The following TNIP3 variants were observed in gnomAD, a reference collection of about 807,000 sequenced individuals.
The protein encoded by TNIP3 is TNFAIP3-interacting protein 3.
TNIP3 carries 34 observed loss-of-function variants against 54.1 expected under a neutral mutation model. The observed-to-expected ratio is 0.63, with a 90% CI of 0.48 to 0.84. The LOEUF (loss-of-function observed/expected upper bound fraction) is 0.84, where lower values mean the gene tolerates loss of function less well. Ranked by LOEUF, TNIP3 falls within the 40% of genes least tolerant of loss-of-function variation. The pLI is 0.00. For synonymous variants in TNIP3, 134 were observed against 136.8 expected, an observed-to-expected ratio of 0.98 and a Z score of 0.14; for missense variants, 366 against 387.6, an observed-to-expected ratio of 0.94 and a Z score of 0.47.
chr4:121,158,369 G>A (rs946056914), intron 3 of TNIP3, among the ~76,000 whole-genome samples: 10 of 152,194 alleles, frequency 6.6e-5, no homozygotes, highest in Non-Finnish European at 1.2e-4. Flanking sequence ...ATAACTTTGT[G>A]TATTTGTGGC....
At position 121,201,111 on chromosome 4, in the gene TNIP3, G is replaced by T. The variant is rs1458682551; in HGVS notation, c.68+15304C>A. ...TGAATGGACTCTAAGCTATGTAAAT[G>T]GATGCTTCTGATGAGTCTGGATGAG... On this transcript the variant is annotated intron_variant, in intron 2 of 12. Coordinates refer to the TNIP3 transcript ENST00000507879. Among the ~76,000 whole-genome samples, 3 of 152,274 alleles carry T rather than the reference G, an allele frequency of 2.0e-5. No homozygotes were observed. The East Asian group carries it at 5.8e-4, about 29-fold the overall frequency.
intron 2 of TNIP3, among the ~76,000 whole-genome samples, chr4:121,197,531 CAAAA>C (rs531127977): frequency 1.6e-5 from 1 of 64,252 alleles, no homozygotes; most frequent in Admixed American, 1.7e-4. Context: ...GACTCTGTCT[CAAAA>C]AAAAAAAAAA....
chr4:121,191,637 C>T (rs1252844864), intron 2 of TNIP3, among the ~76,000 whole-genome samples: 1 of 152,160 alleles, frequency 6.6e-6, no homozygotes, highest in Non-Finnish European at 1.5e-5. Context: ...TAGACAGGTA[C>T]AGTTCCAAGT....
At chr4:121,219,224 C>G (rs899516009), upstream of TNIP3, among the ~76,000 whole-genome samples, 5 of 151,884 alleles carry the variant, frequency 3.3e-5, no homozygotes, top group African/African-American at 1.2e-4. Flanking sequence ...AACAAACAAA[C>G]AAAAAACCCA....
At chr4:121,171,162 G>A (rs1560667043) in intron 3 of TNIP3, among the ~76,000 whole-genome samples, 1 of 152,160 alleles carries the variant, frequency 6.6e-6, no homozygotes, top group Non-Finnish European at 1.5e-5. Context: ...AGAATAAAAA[G>A]AGGAGAACAG....
chr4:121,151,222 T>A (rs1403805994), intron 5 of TNIP3, among the ~76,000 whole-genome samples: 1 of 152,180 alleles, frequency 6.6e-6, no homozygotes, highest in East Asian at 1.9e-4. Flanking sequence ...ATAGAAAAGG[T>A]TCATTTTCAG....
chr4:121,182,707 A>G, exon 3 of TNIP3: 2 of 1,534,148 alleles, frequency 1.3e-6, no homozygotes, highest in African/African-American at 1.4e-5. Flanking sequence ...GTGAGTTGGC[A>G]TGGCCTCTGG....
At chr4:121,171,743 G>GTTTTT (rs1723962265) in intron 3 of TNIP3, among the ~76,000 whole-genome samples, 1 of 151,914 alleles carries the variant, frequency 6.6e-6, no homozygotes, top group Non-Finnish European at 1.5e-5. Context: ...GTTTTGTTTT[G>GTTTTT]TTTTTGAGAT....
At chr4:121,164,344 G>C, upstream of TNIP3, 10 of 1,302,900 alleles carry the variant, frequency 7.7e-6, no homozygotes, top group Non-Finnish European at 9.8e-6. Flanking sequence ...ACTGCAACTG[G>C]GATTTTAACT....
chr4:121,149,546 C>G (rs1729619045), intron 6 of TNIP3, among the ~76,000 whole-genome samples: 1 of 152,190 alleles, frequency 6.6e-6, no homozygotes, highest in Non-Finnish European at 1.5e-5. Flanking sequence ...GCAGGTGGAT[C>G]ACGAGGTCAG....
intron 2 of TNIP3, among the ~76,000 whole-genome samples, chr4:121,186,598 T>C (rs1457199886): frequency 1.3e-5 from 2 of 152,188 alleles, no homozygotes; most frequent in African/African-American, 4.8e-5. Flanking sequence ...AACAATGTAA[T>C]GCTGTGAGGC....
Position 121,157,144 on chromosome 4 carries a change from C to G in TNIP3, c.313G>C (p.Glu105Gln), listed in dbSNP as rs775650378. ...QRQRKDDRQREDDRQRDLTRD... is the reference protein window; with the variant it reads ...QRQRKDDRQRQDDRQRDLTRD... ...GTCAGGTCGCGCTGCCTGTCGTCCT[C>G]TCTCTGCCTGTCGTCCTTTCTCTGC... Residue 105 changes from glutamate to glutamine, a missense_variant, in exon 4 of 11, where the codon GAG becomes CAG. Transcript: ENST00000057513. The G allele has an allele frequency of 1.2e-5, 20 of 1,613,606 alleles. No homozygotes were observed. The South Asian group carries it at 1.3e-4, about 11-fold the overall frequency.
chr4:121,169,840 T>C (rs1730972611), intron 3 of TNIP3, among the ~76,000 whole-genome samples: 1 of 152,254 alleles, frequency 6.6e-6, no homozygotes, highest in Non-Finnish European at 1.5e-5. Context: ...CCCGCCTGGT[T>C]GGAACTCTGA....
chr4:121,215,506 AAACT>A (rs1279166452), intron 2 of TNIP3, among the ~76,000 whole-genome samples: 1 of 152,232 alleles, frequency 6.6e-6, no homozygotes, highest in Non-Finnish European at 1.5e-5. Flanking sequence ...AAGCCAAAAC[AAACT>A]GTTAGTTGAT....
At chr4:121,171,434 G>A (rs951190668) in intron 3 of TNIP3, among the ~76,000 whole-genome samples, 2 of 151,988 alleles carry the variant, frequency 1.3e-5, no homozygotes, top group African/African-American at 4.8e-5. Flanking sequence ...TTTGATGGTG[G>A]GTATATGTGT....
rs151040464 is a variant in TNIP3, at chr4:121,197,325, C to T, written c.69-14529G>A. Reference sequence around the variant, plus strand: ...GGTGGATCACCTGACGTCAGGAGTTCGAGACCAGCCTGGCCAACATGGTGA... The same window carrying T: ...GGTGGATCACCTGACGTCAGGAGTTTGAGACCAGCCTGGCCAACATGGTGA... On this transcript the variant is annotated intron_variant, in intron 2 of 12. Coordinates refer to the TNIP3 transcript ENST00000507879. 9.4e-4 allele frequency among the ~76,000 whole-genome samples: 143 copies of T among 152,052 alleles called. No homozygotes were observed. In the East Asian group the frequency reaches 0.015, roughly 16 times the overall value.
intron 9 of TNIP3, 54 bp from the exon 10 acceptor site, chr4:121,138,738 C>T (rs1728937982): frequency 6.7e-7 from 1 of 1,497,456 alleles, no homozygotes; most frequent in Middle Eastern, 1.7e-4. Context: ...AATATAGTGG[C>T]ATGTCAAAAA....
intron 2 of TNIP3, among the ~76,000 whole-genome samples, chr4:121,189,537 C>G (rs892832878): frequency 6.6e-6 from 1 of 152,104 alleles, no homozygotes; most frequent in Non-Finnish European, 1.5e-5. Context: ...ACAAGTGACT[C>G]ATAAATTACT....
At position 121,208,894 on chromosome 4, in the gene TNIP3, C is replaced by T. The variant is rs568712957; in HGVS notation, c.68+7521G>A. ...TCCATGGAGAGCTTCAGGGTGGGGCCGCCAGAAAGATCAAATTTGTGATTA... is the reference window on the plus strand; with the variant it reads ...TCCATGGAGAGCTTCAGGGTGGGGCTGCCAGAAAGATCAAATTTGTGATTA... On this transcript the variant is annotated intron_variant, in intron 2 of 12. Transcript: ENST00000507879. Among the ~76,000 whole-genome samples the T allele has an allele frequency of 4.6e-5, 7 of 152,168 alleles. No homozygotes were observed. The South Asian group carries it at 8.3e-4, about 18-fold the overall frequency.
Sources: gnomAD v4.1 joint callset for allele counts (sites outside exome capture counted in the v4.1 genomes callset) on GRCh38, gnomAD v4.1.1 for gene constraint, MANE v1.5 for transcripts, NCBI Gene and HGNC (gene_info 2026-07-23, HGNC 2026-07-21) for gene names.